The following PPP1R16B variants were observed in gnomAD, a reference collection of about 807,000 sequenced individuals.
The protein encoded by PPP1R16B is protein phosphatase 1 regulatory subunit 16B, also known as protein phosphatase 1 regulatory inhibitor subunit 16B.
In PPP1R16B, 14 loss-of-function variants were observed where a neutral mutation model predicts 61.7. That is an observed-to-expected ratio of 0.23 (90% confidence interval 0.15 to 0.35). The LOEUF (loss-of-function observed/expected upper bound fraction) is 0.35. Ranked by LOEUF, PPP1R16B falls within the 10% of genes least tolerant of loss-of-function variation. PPP1R16B has a pLI of 1.00. For synonymous variants in PPP1R16B, 266 were observed against 305.3 expected (o/e 0.87, Z 1.34); for missense variants, 547 against 752.5 (o/e 0.73, Z 3.19).
At chr20:38,832,463 C>T (rs1256135591) in intron 1 of PPP1R16B, among the ~76,000 whole-genome samples, 1 of 152,142 alleles carries the variant, frequency 6.6e-6, no homozygotes, top group Non-Finnish European at 1.5e-5. Context: ...CTTTTGAACT[C>T]CTTACTTCTA....
intron 1 of PPP1R16B, among the ~76,000 whole-genome samples, chr20:38,817,992 T>C (rs2084749815): frequency 6.6e-6 from 1 of 151,756 alleles, no homozygotes; most frequent in Non-Finnish European, 1.5e-5. Context: ...TGCAGTGAGC[T>C]GAGATTGTGC....
At chr20:38,891,183 T>A (rs1258643708) in intron 3 of PPP1R16B, among the ~76,000 whole-genome samples, 2 of 152,186 alleles carry the variant, frequency 1.3e-5, no homozygotes, top group Non-Finnish European at 2.9e-5. Context: ...TCCTACTGCG[T>A]GCCAGAAAGG....
intron 2 of PPP1R16B, among the ~76,000 whole-genome samples, chr20:38,868,787 TTG>T (rs2085106900): frequency 6.6e-6 from 1 of 152,226 alleles, no homozygotes; most frequent in East Asian, 1.9e-4. Context: ...TGTGAAATCT[TTG>T]ATGGCAGGAG....
chr20:38,895,541 ACT>A, intron 3 of PPP1R16B, 22 bp from the exon 4 acceptor site: 1 of 1,611,628 alleles, frequency 6.2e-7, no homozygotes, highest in Non-Finnish European at 8.5e-7. Context: ...CCTGGAGCTG[ACT>A]CTGCCTGTGT....
chr20:38,859,890 C>A (rs1165156559), intron 2 of PPP1R16B, among the ~76,000 whole-genome samples: 1 of 152,070 alleles, frequency 6.6e-6, no homozygotes. Flanking sequence ...CCAATATATC[C>A]AAAATGTCAT....
chr20:38,903,630 C>T (rs1207076404), intron 6 of PPP1R16B, among the ~76,000 whole-genome samples: 1 of 152,108 alleles, frequency 6.6e-6, no homozygotes, highest in Admixed American at 6.6e-5. Flanking sequence ...TCCATCCATC[C>T]ATCCAGCCAT....
rs576337787 is a variant in PPP1R16B at position 38,806,257 on chromosome 20, C to A, written c.-102+465C>A. 2.0e-5 allele frequency among the ~76,000 whole-genome samples: 3 copies of A among 152,052 alleles called. No homozygotes were observed. Among genetic ancestry groups the A allele is most frequent in the Non-Finnish European group, 4.4e-5 (3 of 67,970 alleles). ...ATGGTGGTGCCGCCCCCTCGCGTGG[C>A]GGGGCTTGGTCCTGGCGGGCAGCGG... On this transcript the variant is annotated intron_variant, in intron 1 of 10. Coordinates refer to ENST00000299824, the MANE Select transcript of PPP1R16B (RefSeq NM_015568.4). The surrounding 1 kb of genome is among the most constrained non-coding windows in gnomAD (Gnocchi z 4.5).
intron 2 of PPP1R16B, among the ~76,000 whole-genome samples, chr20:38,865,859 C>G (rs1371738281): frequency 6.6e-6 from 1 of 152,136 alleles, no homozygotes; most frequent in Non-Finnish European, 1.5e-5. Flanking sequence ...GGGGCGATGC[C>G]TCACACCTGT....
At chr20:38,861,368 G>T (rs2085049410) in intron 2 of PPP1R16B, among the ~76,000 whole-genome samples, 1 of 152,208 alleles carries the variant, frequency 6.6e-6, no homozygotes, top group Non-Finnish European at 1.5e-5. Context: ...TTCCCACTGA[G>T]GGAGGTAGAT....
chr20:38,900,037 G>A (rs941746003), intron 4 of PPP1R16B, among the ~76,000 whole-genome samples: 9 of 152,132 alleles, frequency 5.9e-5, no homozygotes, highest in Non-Finnish European at 1.0e-4. Context: ...CAGGTGATCC[G>A]CCCGCCTCGC....
intron 2 of PPP1R16B, among the ~76,000 whole-genome samples, chr20:38,860,894 A>G (rs2085045085): frequency 6.6e-6 from 1 of 152,088 alleles, no homozygotes; most frequent in South Asian, 2.1e-4. Context: ...CTTCCATGCT[A>G]ACTTGCTTCC....
intron 1 of PPP1R16B, 25 bp downstream of exon 1, chr20:38,805,817 C>T (rs2084656438): frequency 6.6e-6 from 1 of 152,308 alleles, no homozygotes; most frequent in African/African-American, 2.4e-5. Context: ...GGCGCCACCA[C>T]CCTCCTTGCG....
rs144176668 is a variant in PPP1R16B, at chr20:38,806,687, C to T, written c.-102+895C>T. On this transcript the variant is annotated intron_variant, in intron 1 of 10. Transcript: ENST00000299824. The surrounding 1 kb of genome is among the most constrained non-coding windows in gnomAD (Gnocchi z 4.5). ...GCAGGCGCTCGCTGCCCTCCTCCTT[C>T]CCCCATGTAGACTCCCTTCCTCCGC... Among the ~76,000 whole-genome samples, 74 of 152,292 alleles carry T rather than the reference C, an allele frequency of 4.9e-4. No individual in the cohort carries two copies. Among genetic ancestry groups the T allele is most frequent in the African/African-American group, 1.7e-3 (72 of 41,576 alleles).
intron 2 of PPP1R16B, among the ~76,000 whole-genome samples, chr20:38,874,925 A>C (rs781451538): frequency 1.3e-5 from 2 of 152,190 alleles, no homozygotes; most frequent in Non-Finnish European, 2.9e-5. Context: ...GGGCTGTTGT[A>C]AGCATTAAAT....
At chr20:38,821,419 C>G (rs529153437) in intron 1 of PPP1R16B, among the ~76,000 whole-genome samples, 99 of 152,298 alleles carry the variant, frequency 6.5e-4, no homozygotes, top group South Asian at 1.5e-3. Flanking sequence ...TGGAAAGATG[C>G]CACAGCAGGA....
chr20:38,883,896 T>C (rs986271282), intron 2 of PPP1R16B, among the ~76,000 whole-genome samples: 45 of 152,190 alleles, frequency 3.0e-4, no homozygotes, highest in African/African-American at 1.0e-3. Context: ...ATTTTGCAGA[T>C]GAGGACATGG....
chr20:38,894,318 G>A (rs537094725), intron 3 of PPP1R16B, among the ~76,000 whole-genome samples: 140 of 152,162 alleles, frequency 9.2e-4, no homozygotes, highest in Non-Finnish European at 1.5e-3. Flanking sequence ...GGGCTTCCAC[G>A]GCCGCTCCTG....
rs954176819 is a variant in PPP1R16B at position 38,806,591 on chromosome 20, G to C, written c.-102+799G>C. Among the ~76,000 whole-genome samples the C allele has an allele frequency of 2.0e-5, 3 of 152,138 alleles. No homozygotes were observed. Among genetic ancestry groups the C allele is most frequent in the Non-Finnish European group, 4.4e-5 (3 of 67,994 alleles). ...AGCCGCCCCTGAGAGGTCGCCCAGA[G>C]GGGTCTCCCCAAGGTCACCCGGAGT... On this transcript the variant is annotated intron_variant, in intron 1 of 10. Coordinates refer to ENST00000299824, the MANE Select transcript of PPP1R16B (RefSeq NM_015568.4). The surrounding 1 kb of genome is among the most constrained non-coding windows in gnomAD (Gnocchi z 4.5).
At chr20:38,908,312 T>G (rs1032685474) in intron 10 of PPP1R16B, 119 bp downstream of exon 10, 5 of 1,255,636 alleles carry the variant, frequency 4.0e-6, no homozygotes, top group Non-Finnish European at 4.4e-6. Flanking sequence ...GGCACTGCCC[T>G]TAAACTAGCA....
Sources: gnomAD v4.1 joint callset for allele counts (sites outside exome capture counted in the v4.1 genomes callset) on GRCh38, gnomAD v4.1.1 for gene constraint, Gnocchi (gnomAD v3.1) non-coding constraint, MANE v1.5 for transcripts, NCBI Gene and HGNC (gene_info 2026-07-23, HGNC 2026-07-21) for gene names.